Variants in NTN1 observed in about 807,000 individuals in gnomAD.
NTN1 encodes the protein netrin 1.
In NTN1, 11 loss-of-function variants were observed where a neutral mutation model predicts 54.2. That is an observed-to-expected ratio of 0.20 (90% CI 0.13 to 0.34). The LOEUF (loss-of-function observed/expected upper bound fraction) is 0.34, where lower values mean the gene tolerates loss of function less well. Ranked by LOEUF, NTN1 falls within the 10% of genes least tolerant of loss-of-function variation. The pLI, the probability that NTN1 is intolerant of heterozygous loss-of-function variation, is 1.00. For synonymous variants in NTN1, 371 were observed against 382.0 expected (o/e 0.97, Z 0.33); for missense variants, 740 against 893.1 (o/e 0.83, Z 2.18).
chr17:9,043,202 G>A (rs1267799295), intron 2 of NTN1, among the ~76,000 whole-genome samples: 1 of 151,834 alleles, frequency 6.6e-6, no homozygotes, highest in Admixed American at 6.6e-5. Flanking sequence ...ATTGCTAATA[G>A]CAAACATTTT....
chr17:9,228,873 T>TATGA (rs1905693015), intron 6 of NTN1, among the ~76,000 whole-genome samples: 3 of 12,254 alleles, frequency 2.4e-4, no homozygotes, highest in African/African-American at 9.6e-4. Flanking sequence ...AGAGTGTGTC[T>TATGA]GTGTGTGACT....
intron 2 of NTN1, among the ~76,000 whole-genome samples, chr17:9,154,720 T>C (rs1227501956): frequency 6.6e-6 from 1 of 152,132 alleles, no homozygotes; most frequent in Non-Finnish European, 1.5e-5. Flanking sequence ...ATAAATAGCA[T>C]ACCAAATGGA....
chr17:9,146,780 T>A (rs970915408), intron 2 of NTN1, among the ~76,000 whole-genome samples: 1 of 152,150 alleles, frequency 6.6e-6, no homozygotes, highest in Non-Finnish European at 1.5e-5. Flanking sequence ...GCCGCAGGAC[T>A]CTCCTTTCCT....
At chr17:9,055,615 C>T (rs975977370) in intron 2 of NTN1, among the ~76,000 whole-genome samples, 6 of 152,092 alleles carry the variant, frequency 3.9e-5, no homozygotes, top group Non-Finnish European at 7.4e-5. Context: ...GAGCTTGCCA[C>T]GTTTGAGCAA....
At chr17:9,086,410 C>T (rs1015125128) in intron 2 of NTN1, among the ~76,000 whole-genome samples, 3 of 152,156 alleles carry the variant, frequency 2.0e-5, no homozygotes, top group Non-Finnish European at 4.4e-5. Flanking sequence ...CTGTCTCATG[C>T]TAGTTTGAAT....
chr17:9,094,144 A>G (rs2092122548), intron 2 of NTN1, among the ~76,000 whole-genome samples: 1 of 152,220 alleles, frequency 6.6e-6, no homozygotes, highest in South Asian at 2.1e-4. Flanking sequence ...TCAAACATAT[A>G]CTATTTTATA....
chr17:9,053,379 C>T (rs192906074), intron 2 of NTN1, among the ~76,000 whole-genome samples: 9 of 152,348 alleles, frequency 5.9e-5, no homozygotes, highest in Non-Finnish European at 1.2e-4. Flanking sequence ...TTTGGGAGAG[C>T]TGTTGTAAAA....
chr17:9,044,567 T>C (rs2091935156), intron 2 of NTN1, among the ~76,000 whole-genome samples: 2 of 152,242 alleles, frequency 1.3e-5, no homozygotes, highest in African/African-American at 4.8e-5. Flanking sequence ...GGTTTTTGTT[T>C]GTTTTTTAGA....
At chr17:9,210,466 ACT>A (rs1178436053) in intron 5 of NTN1, among the ~76,000 whole-genome samples, 61 of 129,822 alleles carry the variant, frequency 4.7e-4, no homozygotes, top group African/African-American at 1.5e-3. Flanking sequence ...ACACACACAC[ACT>A]CTTCTGCTGT....
intron 6 of NTN1, among the ~76,000 whole-genome samples, chr17:9,228,280 G>A (rs1336372547): frequency 6.6e-6 from 1 of 152,216 alleles, no homozygotes; most frequent in African/African-American, 2.4e-5. Flanking sequence ...AGGGCTCCTC[G>A]GTGGAGGGAG....
Position 9,211,563 on chromosome 17 carries a change from A to G in NTN1, c.1412-9605A>G, listed in dbSNP as rs1190551785. 6.6e-6 allele frequency among the ~76,000 whole-genome samples: 1 copy of G among 152,178 alleles called. No homozygotes were observed. The highest frequency in any genetic ancestry group is 1.9e-4 in the East Asian group (1 of 5,194). The stretch of plus-strand genomic sequence containing the variant: ...AGTGCTTCATCAAACGTTCGAATGA[A>G]TGGATGATAAATTCCTAGAAGTGCG... On this transcript the variant is annotated intron_variant, in intron 5 of 6. Coordinates refer to ENST00000173229, the MANE Select transcript of NTN1 (RefSeq NM_004822.3). This position sits in a 1 kb window ranked among gnomAD's most constrained non-coding sequence, Gnocchi z 4.4.
chr17:9,142,404 G>A (rs545022164), intron 2 of NTN1, among the ~76,000 whole-genome samples: 80 of 152,250 alleles, frequency 5.3e-4, no homozygotes, highest in African/African-American at 1.9e-3. Flanking sequence ...TTACACAGCA[G>A]AGGTGTGCAA....
chr17:9,027,975 A>G (rs2091876637), intron 2 of NTN1, among the ~76,000 whole-genome samples: 1 of 152,124 alleles, frequency 6.6e-6, no homozygotes, highest in Non-Finnish European at 1.5e-5. Context: ...GATACAAAAA[A>G]TTAGCTGGGC....
In NTN1 at chr17:9,194,607, T is replaced by C. The variant is rs536239288; in HGVS notation, c.1411+11638T>C. Among the ~76,000 whole-genome samples the C allele has an allele frequency of 2.8e-3, 426 of 152,320 alleles. 2 individuals carry two copies. The highest frequency in any genetic ancestry group is 0.02 in the Middle Eastern group (6 of 294). On this transcript the variant is annotated intron_variant, in intron 5 of 6. Coordinates refer to ENST00000173229, the MANE Select transcript of NTN1 (RefSeq NM_004822.3). Reference sequence around the variant, plus strand: ...AGGATGTGAAGCAGCATCCCTGGCCTCTTCCTACTGGATGCCAGCACCTAC... The same window carrying C: ...AGGATGTGAAGCAGCATCCCTGGCCCCTTCCTACTGGATGCCAGCACCTAC...
intron 2 of NTN1, among the ~76,000 whole-genome samples, chr17:9,043,859 C>G (rs776915266): frequency 6.6e-6 from 1 of 152,024 alleles, no homozygotes; most frequent in Admixed American, 6.6e-5. Context: ...GGATTACAGG[C>G]GTGAACCACT....
In NTN1 at chr17:9,100,567, C is replaced by T. The variant is rs1256630809; in HGVS notation, c.1019-62246C>T. Reference sequence around the variant, plus strand: ...GTGCCTGCCTTGGCCTCCCAAAGTGCTGGGATTCCAGGCATGAGCCACTGC... The same window carrying T: ...GTGCCTGCCTTGGCCTCCCAAAGTGTTGGGATTCCAGGCATGAGCCACTGC... On this transcript the variant is annotated intron_variant, in intron 2 of 6. Transcript: ENST00000173229. Among the ~76,000 whole-genome samples, 9 of 152,148 alleles carry T rather than the reference C, an allele frequency of 5.9e-5. No homozygotes were observed. In the East Asian group the frequency reaches 1.3e-3, roughly 23 times the overall value.
upstream of NTN1, among the ~76,000 whole-genome samples, chr17:9,016,632 A>G (rs2091832576): frequency 2.0e-5 from 3 of 152,236 alleles, no homozygotes; most frequent in African/African-American, 4.8e-5. Context: ...ACTGGCTACC[A>G]TATTGAACAG....
chr17:9,038,693 C>T (rs1274456070), intron 2 of NTN1, among the ~76,000 whole-genome samples: 1 of 152,188 alleles, frequency 6.6e-6, no homozygotes, highest in East Asian at 1.9e-4. Flanking sequence ...ACCTCATGAT[C>T]ACTGGGGTCT....
At chr17:9,237,524 C>G (rs1906031208) in intron 6 of NTN1, among the ~76,000 whole-genome samples, 1 of 152,210 alleles carries the variant, frequency 6.6e-6, no homozygotes, top group Admixed American at 6.5e-5. Context: ...CCAACAGATG[C>G]TCGGAGCCTG....
Sources: gnomAD v4.1 joint callset for allele counts (sites outside exome capture counted in the v4.1 genomes callset) on GRCh38, gnomAD v4.1.1 for gene constraint, Gnocchi (gnomAD v3.1) non-coding constraint, MANE v1.5 for transcripts, NCBI Gene and HGNC (gene_info 2026-07-23, HGNC 2026-07-21) for gene names.